Variants in MLXIP observed in about 807,000 individuals in gnomAD.
MLXIP encodes MLX interacting protein, also known as MLX-interacting protein.
In MLXIP, 30 loss-of-function variants were observed where a neutral mutation model predicts 87.2. That is an observed-to-expected ratio of 0.34 (90% CI 0.26 to 0.47). The LOEUF (loss-of-function observed/expected upper bound fraction) is 0.47, where lower values mean the gene tolerates loss of function less well. Ranked by LOEUF, MLXIP falls within the 20% of genes least tolerant of loss-of-function variation. The probability of loss-of-function intolerance (pLI) is 1.00; values close to 1 mark genes in which losing one functional copy is unlikely to be tolerated. For missense variants in MLXIP, 1,002 were observed against 1,240.1 expected, an observed-to-expected ratio of 0.81 and a Z score of 2.88; for synonymous variants, 530 against 514.0, an observed-to-expected ratio of 1.03 and a Z score of -0.42.
In MLXIP at chr12:122,078,926, C is replaced by CT; in HGVS notation, c.73_74insT (p.Gln25LeufsTer13). On this transcript the variant is annotated frameshift_variant, in exon 1 of 17. Coordinates refer to ENST00000319080, the MANE Select transcript of MLXIP (RefSeq NM_014938.6). LOFTEE classifies it high-confidence loss of function. ...GGGCCGCCAGGTGCTGCTCAAGCCCCAGGTGTCCGAGGACGACGACGACTC... is the reference window on the plus strand; with the variant it reads ...GGGCCGCCAGGTGCTGCTCAAGCCCCTAGGTGTCCGAGGACGACGACGACTC... 1 of 1,132,926 alleles carries CT rather than the reference C, an allele frequency of 8.8e-7. No homozygotes were observed. Among genetic ancestry groups the CT allele is most frequent in the Non-Finnish European group, 1.1e-6 (1 of 919,982 alleles). 70.2% of individuals were successfully genotyped at this position (1,132,926 alleles called of 1,614,324 possible). A position where few individuals can be genotyped will look rare whatever the true frequency, so the allele number is the denominator to read the frequency against.
At chr12:122,118,617 G>T (rs1416214125) in intron 1 of MLXIP, among the ~76,000 whole-genome samples, 2 of 152,202 alleles carry the variant, frequency 1.3e-5, no homozygotes, top group East Asian at 3.8e-4. Context: ...GGAGGCCAAG[G>T]TGGGTGGATT....
intron 1 of MLXIP, among the ~76,000 whole-genome samples, chr12:122,105,918 G>A (rs28652632): frequency 6.6e-6 from 1 of 151,742 alleles, no homozygotes; most frequent in African/African-American, 2.4e-5. Flanking sequence ...TTCTGTCATC[G>A]TTTTGGACTA....
intron 1 of MLXIP, among the ~76,000 whole-genome samples, chr12:122,091,501 C>A (rs1249100545): frequency 1.3e-5 from 2 of 152,122 alleles, no homozygotes; most frequent in Non-Finnish European, 2.9e-5. Context: ...AGTTTGAGAC[C>A]AGCCTTAGCA....
chr12:122,138,159 G>A (rs1161684629), intron 12 of MLXIP, 35 bp from the exon 13 acceptor site: 6 of 1,547,268 alleles, frequency 3.9e-6, no homozygotes, highest in African/African-American at 1.4e-5. Flanking sequence ...TGCCTGCAAT[G>A]TGCCTGTCTT....
chr12:122,143,520 T>C lies in MLXIP; in HGVS notation c.*1708T>C, dbSNP rs1953247401. 6.6e-6 allele frequency: 1 copy of C among 152,278 alleles called. No individual in the cohort carries two copies. The highest frequency in any genetic ancestry group is 1.5e-5 in the Non-Finnish European group (1 of 68,098). 9.4% of individuals were successfully genotyped at this position (152,278 alleles called of 1,614,324 possible). On this transcript the variant is annotated 3_prime_UTR_variant, in exon 17 of 17. Coordinates refer to ENST00000319080, the MANE Select transcript of MLXIP (RefSeq NM_014938.6). ...TGGAAAATGGTAACAGACTCCATCC[T>C]TGACCCGGGGATGAGCATGAAGGCA...
chr12:122,142,366 A>G lies in MLXIP; in HGVS notation c.*554A>G, dbSNP rs766906793. 1.8e-6 allele frequency: 1 copy of G among 558,238 alleles called. No individual in the cohort carries two copies. The highest frequency in any genetic ancestry group is 1.5e-5 in the South Asian group (1 of 65,208). 34.6% of individuals were successfully genotyped at this position (558,238 alleles called of 1,614,324 possible). On this transcript the variant is annotated 3_prime_UTR_variant, in exon 17 of 17. Transcript: ENST00000319080. ...TGGACTTGGGCTTCTATTCAGGCTT[A>G]TGCATGGCAGGCTGCCAGGGGGAAG... is the stretch of plus-strand genomic sequence containing the variant.
intron 5 of MLXIP, 57 bp downstream of exon 5, chr12:122,129,686 TC>T: frequency 1.3e-6 from 2 of 1,595,842 alleles, no homozygotes; most frequent in African/African-American, 1.3e-5. Flanking sequence ...AGCAGGGACT[TC>T]GGTGGCCCAC....
At chr12:122,079,716 C>G (rs940308953) in intron 1 of MLXIP, among the ~76,000 whole-genome samples, 3 of 152,244 alleles carry the variant, frequency 2.0e-5, no homozygotes, top group Non-Finnish European at 4.4e-5. Flanking sequence ...CCTGTTTCCT[C>G]CTTTATAAAA....
chr12:122,103,185 A>G (rs1353206570), intron 1 of MLXIP, among the ~76,000 whole-genome samples: 34 of 53,910 alleles, frequency 6.3e-4, no homozygotes, highest in Non-Finnish European at 1.0e-4. Flanking sequence ...ATATGTATGT[A>G]TGTATGTATG....
chr12:122,097,635 A>G (rs1952374899), intron 1 of MLXIP, among the ~76,000 whole-genome samples: 2 of 151,736 alleles, frequency 1.3e-5, no homozygotes, highest in African/African-American at 4.8e-5. Flanking sequence ...AAAGTAATTA[A>G]TTAATTAAAA....
At chr12:122,103,663 G>A (rs1295132066) in intron 1 of MLXIP, among the ~76,000 whole-genome samples, 1 of 151,196 alleles carries the variant, frequency 6.6e-6, no homozygotes, top group African/African-American at 2.4e-5. Flanking sequence ...GGGATTACAG[G>A]TGCCCACCAC....
chr12:122,079,006 G>A lies in MLXIP; in HGVS notation c.153G>A (p.Arg51=). ...CCTCCGGCGCGGCCACCCCGGCCCGGGCCCACGCGAGCGCCGCGCCACCGC... is the reference window on the plus strand; with the variant it reads ...CCTCCGGCGCGGCCACCCCGGCCCGAGCCCACGCGAGCGCCGCGCCACCGC... ...PPASGAATPA[R]AHASAAPPPP... Residue 51 remains arginine, a synonymous_variant, in exon 1 of 17, where the codon CGG becomes CGA. Transcript: ENST00000319080. 8.3e-7 allele frequency: 1 copy of A among 1,208,126 alleles called. No homozygotes were observed. Among genetic ancestry groups the A allele is most frequent in the Non-Finnish European group, 1.0e-6 (1 of 971,176 alleles). The allele number at this position is 1,208,126 out of a possible 1,614,324, so 74.8% of individuals were successfully genotyped here. A position where few individuals can be genotyped will look rare whatever the true frequency, so the allele number is the denominator to read the frequency against.
chr12:122,081,835 C>CT (rs1417825081), intron 1 of MLXIP, among the ~76,000 whole-genome samples: 1 of 152,184 alleles, frequency 6.6e-6, no homozygotes, highest in Admixed American at 6.5e-5. Context: ...TTCTGTGTGA[C>CT]TGTTTCTGGC....
chr12:122,128,909 A>G lies in MLXIP; in HGVS notation c.607-228A>G, dbSNP rs1256985937. 20 of 554,740 alleles carry G rather than the reference A, an allele frequency of 3.6e-5. No individual in the cohort carries two copies. The East Asian group carries it at 4.0e-4, about 11-fold the overall frequency. 34.4% of individuals were successfully genotyped at this position (554,740 alleles called of 1,614,324 possible). ...ACAGAGCCTCAGGACCGTGCCCCCAAGGCCTTTGGCTACCTTAGGTCTTGA... is the reference window on the plus strand; with the variant it reads ...ACAGAGCCTCAGGACCGTGCCCCCAGGGCCTTTGGCTACCTTAGGTCTTGA... On this transcript the variant is annotated intron_variant, in intron 3 of 16. Coordinates refer to ENST00000319080, the MANE Select transcript of MLXIP (RefSeq NM_014938.6).
intron 1 of MLXIP, among the ~76,000 whole-genome samples, chr12:122,103,219 T>G (rs796438805): frequency 0.17 from 9,678 of 55,398 alleles, 981 homozygotes; most frequent in African/African-American, 0.4. Context: ...ATTTATTTAT[T>G]TATTTATTTA....
intron 7 of MLXIP, among the ~76,000 whole-genome samples, chr12:122,131,441 CTT>C (rs1174308802): frequency 1.5e-3 from 114 of 76,560 alleles, no homozygotes; most frequent in Middle Eastern, 7.5e-3. Context: ...TTGTTTGAGT[CTT>C]TTTTTTTTTT....
intron 1 of MLXIP, among the ~76,000 whole-genome samples, chr12:122,110,787 T>TA (rs1427482004): frequency 7.1e-6 from 1 of 141,120 alleles, no homozygotes; most frequent in East Asian, 2.2e-4. Flanking sequence ...GAAAAAAAAA[T>TA]AAAAAAAGGG....
chr12:122,140,984 T>A lies in MLXIP; in HGVS notation c.2539T>A (p.Ser847Thr). The A allele has an allele frequency of 1.9e-6, 3 of 1,613,928 alleles. No homozygotes were observed. The highest frequency in any genetic ancestry group is 2.5e-6 in the Non-Finnish European group (3 of 1,179,882). ...FSIIIKPLFESFKGMVSTSSL... is the reference protein window; with the variant it reads ...FSIIIKPLFETFKGMVSTSSL... Reference sequence around the variant, plus strand: ...CATCATCATCAAGCCGCTGTTTGAGTCGTTCAAGGGCATGGTGTCCACCAG... The same window carrying A: ...CATCATCATCAAGCCGCTGTTTGAGACGTTCAAGGGCATGGTGTCCACCAG... Residue 847 changes from serine to threonine, a missense_variant, in exon 16 of 17, where the codon TCG (serine) becomes ACG (threonine). Around this residue, in one of 3 missense-constraint regions of MLXIP, gnomAD observed 746 missense variants for 897.0 expected, o/e 0.83. Transcript: ENST00000319080.
At position 122,138,841 on chromosome 12, in the gene MLXIP, C is replaced by T. The variant is rs755831929; in HGVS notation, c.2411C>T (p.Thr804Met). 2 of 1,613,834 alleles carry T rather than the reference C, an allele frequency of 1.2e-6. No homozygotes were observed. Among genetic ancestry groups the T allele is most frequent in the Non-Finnish European group, 1.7e-6 (2 of 1,179,874 alleles). ...TCCTGCCAGCAGCTGCTCCCTGCCACGGGAGTCCCCGTTACCCGGCGCCAG... is the reference window on the plus strand; with the variant it reads ...TCCTGCCAGCAGCTGCTCCCTGCCATGGGAGTCCCCGTTACCCGGCGCCAG... ...IISCQQLLPA[T>M]GVPVTRRQFD... is the part of the protein sequence containing the mutation. Residue 804 changes from threonine (T) to methionine (M), a missense_variant, in exon 15 of 17, where the codon ACG becomes ATG. Coordinates refer to ENST00000319080, the MANE Select transcript of MLXIP (RefSeq NM_014938.6).
Sources: allele counts gnomAD v4.1 joint callset (sites outside exome capture counted in the v4.1 genomes callset), GRCh38; gene constraint gnomAD v4.1.1; regional missense constraint gnomAD v4.1.1; transcripts MANE v1.5; gene names NCBI Gene and HGNC (gene_info 2026-07-23, HGNC 2026-07-21).